FNDC7: variants seen among roughly 807,000 people sequenced by gnomAD.
The protein encoded by FNDC7 is fibronectin type III domain-containing protein 7.
A neutral mutation model predicts 74.2 loss-of-function variants in FNDC7; 66 were observed. That is an observed-to-expected ratio of 0.89 (90% CI 0.73 to 1.09). The LOEUF (loss-of-function observed/expected upper bound fraction) is 1.09. Among genes scored for constraint, FNDC7 ranks in the 50% least tolerant of loss-of-function variants. The probability of loss-of-function intolerance (pLI) is 0.00; values close to 1 mark genes in which losing one functional copy is unlikely to be tolerated. For synonymous variants in FNDC7, 307 were observed against 330.2 expected, an observed-to-expected ratio of 0.93 and a Z score of 0.76; for missense variants, 829 against 893.4, an observed-to-expected ratio of 0.93 and a Z score of 0.92.
At chr1:108,727,228 G>A (rs1661239299) in intron 6 of FNDC7, among the ~76,000 whole-genome samples, 1 of 152,114 alleles carries the variant, frequency 6.6e-6, no homozygotes, top group African/African-American at 2.4e-5. Context: ...CAGAGGCTAA[G>A]ACCTGAAAAT....
chr1:108,721,441 C>T (rs1661089928), intron 4 of FNDC7, among the ~76,000 whole-genome samples: 1 of 152,044 alleles, frequency 6.6e-6, no homozygotes, highest in South Asian at 2.1e-4. Flanking sequence ...TGCACTCCAG[C>T]CTGGGCGACA....
At chr1:108,729,418 G>A (rs3006871) in intron 8 of FNDC7, among the ~76,000 whole-genome samples, 3,777 of 152,234 alleles carry the variant, frequency 0.025, 155 homozygotes, top group African/African-American at 0.086. Context: ...GCGGGGTGGT[G>A]GGCACCTATA....
At position 108,727,832 on chromosome 1, in the gene FNDC7, AC is replaced by A; in HGVS notation, c.1140del (p.Val381CysfsTer26). 6.2e-7 allele frequency: 1 copy of A among 1,613,834 alleles called. No individual in the cohort carries two copies. The highest frequency in any genetic ancestry group is 8.5e-7 in the Non-Finnish European group (1 of 1,179,970). On this transcript the variant is annotated frameshift_variant, in exon 7 of 13. Transcript: ENST00000370017. LOFTEE classifies it high-confidence loss of function. The part of the protein sequence containing the change: ...TTAPCCPSDI[N>X]PVLVSSDRVE... ...GCTCCCTGTTGTCCTAGTGACATTA[AC>A]CCCGTGTTGGTGTCCAGTGACAGAG... is the stretch of plus-strand genomic sequence containing the variant.
chr1:108,725,953 T>C lies in FNDC7; in HGVS notation c.1060T>C (p.Tyr354His), dbSNP rs774142403. Residue 354 changes from tyrosine to histidine, a missense_variant, in exon 6 of 13, where the codon TAT (tyrosine) becomes CAT (histidine). Physicochemically the swap from Tyr to His is moderately conservative, Grantham distance 83. Coordinates refer to ENST00000370017, the MANE Select transcript of FNDC7 (RefSeq NM_001144937.3). Reference protein sequence around the residue: ...GFTYFISVFVYNKAGQSPLGD... With the variant: ...GFTYFISVFVHNKAGQSPLGD... ...CACTTATTTTATTAGTGTTTTTGTC[T>C]ATAACAAGGCAGGGCAAAGTCCTTT... 1 of 1,614,144 alleles carries C rather than the reference T, an allele frequency of 6.2e-7. No individual in the cohort carries two copies. The highest frequency in any genetic ancestry group is 1.7e-5 in the Admixed American group (1 of 60,018).
At chr1:108,721,296 C>T (rs937938715) in intron 4 of FNDC7, among the ~76,000 whole-genome samples, 4 of 152,134 alleles carry the variant, frequency 2.6e-5, no homozygotes, top group African/African-American at 7.2e-5. Flanking sequence ...GGTGAAACCC[C>T]GTCTCTACTA....
chr1:108,738,046 G>T (rs891630507), intron 11 of FNDC7, among the ~76,000 whole-genome samples: 4 of 152,190 alleles, frequency 2.6e-5, no homozygotes, highest in Non-Finnish European at 5.9e-5. Context: ...CTGGGGCCTC[G>T]TTAAAGCCAG....
intron 2 of FNDC7, among the ~76,000 whole-genome samples, chr1:108,714,889 G>A (rs936013914): frequency 1.3e-5 from 2 of 151,954 alleles, no homozygotes; most frequent in Non-Finnish European, 2.9e-5. Context: ...CACCGCGCCC[G>A]GCCGGCTTCT....
intron 9 of FNDC7, 72 bp from the exon 10 acceptor site, chr1:108,733,200 G>T: frequency 6.4e-7 from 1 of 1,565,106 alleles, no homozygotes; most frequent in Non-Finnish European, 8.7e-7. Flanking sequence ...TTTCCCTGCA[G>T]TAATCAAGGC....
At chr1:108,717,740 T>C in intron 2 of FNDC7, 37 bp from the exon 3 acceptor site, 1 of 1,542,366 alleles carries the variant, frequency 6.5e-7, no homozygotes, top group Non-Finnish European at 8.8e-7. Flanking sequence ...TCCTCGTAGG[T>C]ATCTTGGCTA....
At chr1:108,733,957 T>C (rs1661454397) in intron 10 of FNDC7, among the ~76,000 whole-genome samples, 1 of 152,154 alleles carries the variant, frequency 6.6e-6, no homozygotes, top group Non-Finnish European at 1.5e-5. Context: ...GTCAAGGGTA[T>C]AAAATTTCTA....
intron 11 of FNDC7, among the ~76,000 whole-genome samples, chr1:108,741,449 A>G (rs1254180070): frequency 6.6e-6 from 1 of 152,178 alleles, no homozygotes; most frequent in African/African-American, 2.4e-5. Context: ...AGTCATTAAA[A>G]TTTTGGAGTT....
chr1:108,736,579 G>A (rs921075604), intron 10 of FNDC7, among the ~76,000 whole-genome samples: 5 of 152,144 alleles, frequency 3.3e-5, no homozygotes, highest in African/African-American at 1.2e-4. Flanking sequence ...TCTTTCTCCT[G>A]CTCCATGCCC....
chr1:108,718,752 T>C, intron 3 of FNDC7, 37 bp from the exon 4 acceptor site: 1 of 1,544,784 alleles, frequency 6.5e-7, no homozygotes, highest in South Asian at 1.2e-5. Context: ...TCTATTGGAC[T>C]TTGGTAACAC....
At chr1:108,733,166 A>C in intron 9 of FNDC7, 106 bp from the exon 10 acceptor site, 2 of 1,359,660 alleles carry the variant, frequency 1.5e-6, no homozygotes, top group East Asian at 2.3e-5. Flanking sequence ...TAATCCTGTT[A>C]CTTAGACTAG....
Position 108,733,259 on chromosome 1 carries a change from T to G in FNDC7, c.1880-13T>G. 5 of 1,596,260 alleles carry G rather than the reference T, an allele frequency of 3.1e-6. No homozygotes were observed. The highest frequency in any genetic ancestry group is 4.3e-6 in the Non-Finnish European group (5 of 1,166,198). On this transcript the variant is annotated splice_polypyrimidine_tract_variant and intron_variant, in intron 9 of 12. Transcript: ENST00000370017. ...AAACAAGTGATTTTGTGTTTGTTAT[T>G]TTTATTGCCTAGGTGCCTGCTGCCC...
chr1:108,725,576 T>A (rs920311291), intron 5 of FNDC7, among the ~76,000 whole-genome samples, 174 bp from the exon 6 acceptor site: 1 of 152,248 alleles, frequency 6.6e-6, no homozygotes, highest in African/African-American at 2.4e-5. Context: ...TTTGGTCCTA[T>A]AAAGAAAATC....
intron 11 of FNDC7, among the ~76,000 whole-genome samples, chr1:108,740,911 C>T (rs1042484974): frequency 2.0e-5 from 3 of 152,222 alleles, no homozygotes; most frequent in Non-Finnish European, 2.9e-5. Flanking sequence ...TAATGTGCTA[C>T]TTCTAACGAA....
Position 108,717,860 on chromosome 1 carries a change from A to T in FNDC7, c.166A>T (p.Thr56Ser), listed in dbSNP as rs997952333. 1.9e-6 allele frequency: 3 copies of T among 1,551,724 alleles called. No individual in the cohort carries two copies. In the Admixed American group the frequency reaches 5.9e-5, roughly 30 times the overall value. The stretch of plus-strand genomic sequence containing the variant: ...AGAATGGGCTACAGTGCCGGGTGCC[A>T]CCAGTTACCTCCTCACGGCTGAAGA... ...TVEWATVPGA[T>S]SYLLTAEDGD... The change falls in exon 3 of 13, where the codon ACC (threonine) becomes TCC (serine). Residue 56 changes from threonine to serine, a missense_variant. Physicochemically the swap from Thr to Ser is moderately conservative, Grantham distance 58. Transcript: ENST00000370017.
At chr1:108,724,155 T>C (rs1051467574) in intron 5 of FNDC7, among the ~76,000 whole-genome samples, 5 of 152,230 alleles carry the variant, frequency 3.3e-5, no homozygotes, top group Non-Finnish European at 7.3e-5. Flanking sequence ...TTCAGAAGAT[T>C]TTGTTCCATC....
Sources: allele counts gnomAD v4.1 joint callset (sites outside exome capture counted in the v4.1 genomes callset), GRCh38; gene constraint gnomAD v4.1.1; transcripts MANE v1.5; gene names NCBI Gene and HGNC (gene_info 2026-07-23, HGNC 2026-07-21).